Variants in ALOX12 observed in about 807,000 individuals in gnomAD.
ALOX12 encodes polyunsaturated fatty acid lipoxygenase ALOX12.
In ALOX12, 62 loss-of-function variants were observed where a neutral mutation model predicts 85.5. The observed-to-expected ratio is 0.73, with a 90% CI of 0.59 to 0.90. The LOEUF (loss-of-function observed/expected upper bound fraction) is 0.90. Ranked by LOEUF, ALOX12 falls within the 40% of genes least tolerant of loss-of-function variation. The probability of loss-of-function intolerance (pLI) is 0.00; values close to 1 mark genes in which losing one functional copy is unlikely to be tolerated. For synonymous variants in ALOX12, 299 were observed against 332.7 expected, an observed-to-expected ratio of 0.90 and a Z score of 1.10; for missense variants, 751 against 856.5, an observed-to-expected ratio of 0.88 and a Z score of 1.54.
Position 7,010,233 on chromosome 17 carries a change from T to A in ALOX12, c.1813-11T>A. 1 of 1,611,538 alleles carries A rather than the reference T, an allele frequency of 6.2e-7. No individual in the cohort carries two copies. The highest frequency in any genetic ancestry group is 8.5e-7 in the Non-Finnish European group (1 of 1,178,538). On this transcript the variant is annotated splice_polypyrimidine_tract_variant and intron_variant, in intron 13 of 13. Transcript: ENST00000251535. Reference sequence around the variant, plus strand: ...TCTTTAGAAACTGACTGATCCTTTGTTCTGTCTCAGGTGCCTCTGGGGCAC... The same window carrying A: ...TCTTTAGAAACTGACTGATCCTTTGATCTGTCTCAGGTGCCTCTGGGGCAC...
At position 7,000,379 on chromosome 17, in the gene ALOX12, T is replaced by C. The variant is rs1908652013; in HGVS notation, c.851T>C (p.Ile284Thr). 6.2e-7 allele frequency: 1 copy of C among 1,614,058 alleles called. No homozygotes were observed. The highest frequency in any genetic ancestry group is 1.1e-5 in the South Asian group (1 of 91,086). The change falls in exon 7 of 14, where the codon ATT becomes ACT. Residue 284 changes from isoleucine to threonine, a missense_variant. Physicochemically the swap from Ile to Thr is moderately conservative, Grantham distance 89 (BLOSUM62 -1). Coordinates refer to ENST00000251535, the MANE Select transcript of ALOX12 (RefSeq NM_000697.3). The surrounding 1 kb of genome is among the most constrained non-coding windows in gnomAD (Gnocchi z 4.6). ...FEADFILLDG[I>T]PANVIRGEKQ... is the part of the protein sequence containing the mutation. ...GCTGACTTCATCCTTCTGGATGGAA[T>C]TCCAGCCAACGTGATCCGAGGAGAG...
intron 11 of ALOX12, among the ~76,000 whole-genome samples, chr17:7,009,120 C>T (rs899720531): frequency 3.8e-4 from 56 of 148,474 alleles, no homozygotes; most frequent in South Asian, 8.5e-4. Flanking sequence ...AGTGCAGTGG[C>T]GGGATCTCAG....
At chr17:7,005,788 C>A (rs970439869) in intron 9 of ALOX12, 70 bp from the exon 10 acceptor site, 11 of 1,532,404 alleles carry the variant, frequency 7.2e-6, no homozygotes, top group Non-Finnish European at 9.7e-6. Context: ...ACATTTGCCC[C>A]ACTTTATGGA....
rs771462839 is a variant in ALOX12 at position 7,006,516 on chromosome 17, C to T, written c.1449C>T (p.Tyr483=). ...TGGAGGGGATCGTCCACCTCTTCTA[C>T]CAAAGGGATGACATAGTGAAGGGGG... The part of the protein sequence containing the change: ...RYVEGIVHLF[Y]QRDDIVKGDP... The change falls in exon 11 of 14, where the codon TAC becomes TAT. Residue 483 remains tyrosine (Y), a synonymous_variant. Transcript: ENST00000251535. 4.3e-5 allele frequency: 69 copies of T among 1,613,696 alleles called. No individual in the cohort carries two copies. The highest frequency in any genetic ancestry group is 6.8e-6 in the Non-Finnish European group (8 of 1,179,912).
At chr17:7,001,448 T>TC in intron 7 of ALOX12, 154 bp from the exon 8 acceptor site, 1 of 763,628 alleles carries the variant, frequency 1.3e-6, no homozygotes, top group Non-Finnish European at 2.2e-6. Flanking sequence ...GCACTCCAGC[T>TC]AGCGAGCGGC....
At chr17:7,002,286 G>C in intron 8 of ALOX12, 1 of 342,366 alleles carries the variant, frequency 2.9e-6, no homozygotes, top group South Asian at 2.2e-5. Context: ...CCAGCAAGCC[G>C]CTCATACCTG....
At chr17:6,996,397 C>G in intron 1 of ALOX12, 145 bp downstream of exon 1, 1 of 1,015,756 alleles carries the variant, frequency 9.8e-7, no homozygotes, top group Non-Finnish European at 1.3e-6. Context: ...GAAGCTGGGA[C>G]GAGGTGGGCA....
intron 2 of ALOX12, 61 bp downstream of exon 2, chr17:6,997,088 G>A (rs1908484991): frequency 1.6e-5 from 24 of 1,487,604 alleles, no homozygotes; most frequent in South Asian, 9.0e-5. Flanking sequence ...GGGGCTAGGA[G>A]GGCAGAGTTA....
Position 7,010,119 on chromosome 17 carries a change from C to G in ALOX12, c.1805C>G (p.Pro602Arg). 6.2e-7 allele frequency: 1 copy of G among 1,611,474 alleles called. No homozygotes were observed. The highest frequency in any genetic ancestry group is 1.7e-4 in the Middle Eastern group (1 of 6,054). ...AISWHLSRRQ[P>R]DMVPLGHHKE... Reference sequence around the variant, plus strand: ...TCATGGCATCTGAGTCGCCGCCAGCCAGACATGGTGAGAGGGGACTCTCGG... The same window carrying G: ...TCATGGCATCTGAGTCGCCGCCAGCGAGACATGGTGAGAGGGGACTCTCGG... Residue 602 changes from proline to arginine, a missense_variant, in exon 13 of 14, where the codon CCA (proline) becomes CGA (arginine). Transcript: ENST00000251535.
Position 7,006,043 on chromosome 17 carries a change from C to T in ALOX12, c.1418+16C>T. 1 of 1,107,478 alleles carries T rather than the reference C, an allele frequency of 9.0e-7. No homozygotes were observed. Among genetic ancestry groups the T allele is most frequent in the Middle Eastern group, 2.7e-4 (1 of 3,682 alleles). 68.6% of individuals were successfully genotyped at this position (1,107,478 alleles called of 1,614,324 possible). On this transcript the variant is annotated intron_variant, in intron 10 of 13. Coordinates refer to ENST00000251535, the MANE Select transcript of ALOX12 (RefSeq NM_000697.3). ...TCATTGCCAGGTGAGTAAGGAGGAG[C>T]TGAGAAATGGTGGGGCCGGGGGGGG...
In ALOX12 at chr17:6,996,996, C is replaced by T. The variant is rs1478729221; in HGVS notation, c.306C>T (p.Gly102=). 3.5e-5 allele frequency: 55 copies of T among 1,558,554 alleles called. No individual in the cohort carries two copies. Among genetic ancestry groups the T allele is most frequent in the South Asian group, 1.2e-4 (10 of 85,196 alleles). Residue 102 remains glycine (G), a synonymous_variant, in exon 2 of 14, where the codon GGC becomes GGT. Coordinates refer to ENST00000251535, the MANE Select transcript of ALOX12 (RefSeq NM_000697.3). ...TCCCGTGCTACCGCTGGGTGCAGGG[C>T]GAGGACATCCTGAGCCTGCCCGAGG... is the stretch of plus-strand genomic sequence containing the variant. ...VAFPCYRWVQ[G]EDILSLPEGT...
intron 8 of ALOX12, among the ~76,000 whole-genome samples, chr17:7,003,431 A>AT (rs901678400): frequency 5.4e-5 from 8 of 149,054 alleles, no homozygotes; most frequent in South Asian, 2.1e-4. Context: ...GTTCTTGCAA[A>AT]TTTTTTTTTT....
chr17:7,005,217 G>A lies in ALOX12; in HGVS notation c.1162-40G>A, dbSNP rs370834707. The A allele has an allele frequency of 2.2e-5, 35 of 1,569,756 alleles. No homozygotes were observed. The African/African-American group carries it at 3.5e-4, about 16-fold the overall frequency. On this transcript the variant is annotated intron_variant, in intron 8 of 13. Coordinates refer to ENST00000251535, the MANE Select transcript of ALOX12 (RefSeq NM_000697.3). ...GCCCTACCAGGAAGGACCCAAGCAT[G>A]GCCTCCACCAGTCACGCCCTCCAAT...
intron 9 of ALOX12, among the ~76,000 whole-genome samples, 177 bp downstream of exon 9, chr17:7,005,520 G>A (rs917710796): frequency 7.7e-5 from 9 of 117,040 alleles, no homozygotes; most frequent in African/African-American, 1.7e-4. Flanking sequence ...TAGCTCTGTC[G>A]CCCAGGTTGG....
Position 7,010,443 on chromosome 17 carries a change from T to C in ALOX12, c.*20T>C. 1.2e-6 allele frequency: 2 copies of C among 1,602,364 alleles called. No homozygotes were observed. Among genetic ancestry groups the C allele is most frequent in the African/African-American group, 2.7e-5 (2 of 74,418 alleles). Reference sequence around the variant, plus strand: ...ATCTGAGCCCTAGAGTGACTCTACCTGCAAGATTTCACATCAGCTTTAGGA... The same window carrying C: ...ATCTGAGCCCTAGAGTGACTCTACCCGCAAGATTTCACATCAGCTTTAGGA... On this transcript the variant is annotated 3_prime_UTR_variant, in exon 14 of 14. Transcript: ENST00000251535.
Position 6,996,188 on chromosome 17 carries a change from T to C in ALOX12, c.71T>C (p.Leu24Pro). ...TCCGGGTCGTACAACCGCGTGCAGC[T>C]TTGGCTGGTCGGGACGCGCGGGGAG... is the stretch of plus-strand genomic sequence containing the variant. ...LFSGSYNRVQ[L>P]WLVGTRGEAE... Residue 24 changes from leucine to proline, a missense_variant, in exon 1 of 14, where the codon CTT becomes CCT. Coordinates refer to ENST00000251535, the MANE Select transcript of ALOX12 (RefSeq NM_000697.3). The C allele has an allele frequency of 8.0e-7, 1 of 1,253,264 alleles. No homozygotes were observed. The highest frequency in any genetic ancestry group is 1.0e-6 in the Non-Finnish European group (1 of 991,978). The allele number at this position is 1,253,264 out of a possible 1,614,324, so 77.6% of individuals were successfully genotyped here. A position where few individuals can be genotyped will look rare whatever the true frequency, so the allele number is the denominator to read the frequency against.
Position 7,001,657 on chromosome 17 carries a change from C to T in ALOX12, c.1007C>T (p.Pro336Leu). ...CCAACACTGTTCCTGCCCTCAGACC[C>T]CCCACTTGCCTGGCTCCTGGCAAAG... ...PTPTLFLPSD[P>L]PLAWLLAKSW... Residue 336 changes from proline to leucine, a missense_variant, in exon 8 of 14, where the codon CCC becomes CTC. By Grantham distance (98) the Pro-to-Leu change is moderately conservative. Transcript: ENST00000251535. 6.2e-7 allele frequency: 1 copy of T among 1,614,200 alleles called. No individual in the cohort carries two copies. Among genetic ancestry groups the T allele is most frequent in the African/African-American group, 1.3e-5 (1 of 75,042 alleles).
intron 7 of ALOX12, 85 bp from the exon 8 acceptor site, chr17:7,001,517 T>C: frequency 7.5e-7 from 1 of 1,337,920 alleles, no homozygotes; most frequent in Non-Finnish European, 1.1e-6. Context: ...GGCAATAATC[T>C]TACTTAGTCA....
In ALOX12 at chr17:7,000,969, C is replaced by T. The variant is rs910784200; in HGVS notation, c.951+490C>T. On this transcript the variant is annotated intron_variant, in intron 7 of 13. Transcript: ENST00000251535. This position sits in a 1 kb window ranked among gnomAD's most constrained non-coding sequence, Gnocchi z 4.6. ...CGCAATTTCTTTTTTTTTTTTGAGA[C>T]AGAATCTCACTGTGTCACTCAGGCT... 2.7e-5 allele frequency among the ~76,000 whole-genome samples: 4 copies of T among 146,798 alleles called. No individual in the cohort carries two copies. Among genetic ancestry groups the T allele is most frequent in the Non-Finnish European group, 5.9e-5 (4 of 67,348 alleles).
Sources: allele counts gnomAD v4.1 joint callset (sites outside exome capture counted in the v4.1 genomes callset), GRCh38; gene constraint gnomAD v4.1.1; non-coding constraint Gnocchi (gnomAD v3.1); transcripts MANE v1.5; gene names NCBI Gene and HGNC (gene_info 2026-07-23, HGNC 2026-07-21).